Variants in ABCA13 observed in about 807,000 individuals in gnomAD.
ABCA13 encodes the protein ATP-binding cassette sub-family A member 13.
ABCA13 carries 476 observed loss-of-function variants against 478.7 expected under a neutral mutation model. The ratio of observed to expected loss-of-function variants is 0.99; its 90% confidence interval spans 0.92 to 1.07. The LOEUF (loss-of-function observed/expected upper bound fraction) is 1.07, where lower values mean the gene tolerates loss of function less well. Among genes scored for constraint, ABCA13 ranks in the 50% least tolerant of loss-of-function variants. The pLI is 0.00. For missense variants in ABCA13, 6,060 were observed against 5,910.6 expected, an observed-to-expected ratio of 1.03 and a Z score of -0.83; for synonymous variants, 2,252 against 2,158.9, an observed-to-expected ratio of 1.04 and a Z score of -1.20.
chr7:48,472,697 G>A (rs540379009), intron 45 of ABCA13, among the ~76,000 whole-genome samples: 2 of 152,078 alleles, frequency 1.3e-5, no homozygotes, highest in African/African-American at 2.4e-5. Flanking sequence ...AAGCTAGCAG[G>A]GAAGGGTGCT....
At chr7:48,357,171 A>T (rs11973210) in intron 31 of ABCA13, among the ~76,000 whole-genome samples, 2,439 of 149,838 alleles carry the variant, frequency 0.016, 102 homozygotes, top group African/African-American at 0.059. Flanking sequence ...ATTCCTGCTT[A>T]AAAAAAAATC....
intron 59 of ABCA13, among the ~76,000 whole-genome samples, chr7:48,620,319 A>G (rs1586008318): frequency 6.6e-6 from 1 of 152,354 alleles, no homozygotes; most frequent in Non-Finnish European, 1.5e-5. Context: ...TTAGATTTCA[A>G]TATGAAAAAT....
chr7:48,626,375 T>C (rs931045930), intron 59 of ABCA13, among the ~76,000 whole-genome samples: 1 of 151,972 alleles, frequency 6.6e-6, no homozygotes, highest in East Asian at 1.9e-4. Context: ...GCATTAGAGG[T>C]AGTGGCACAG....
intron 41 of ABCA13, among the ~76,000 whole-genome samples, chr7:48,418,299 A>C (rs1820301882): frequency 6.6e-6 from 1 of 152,178 alleles, no homozygotes; most frequent in East Asian, 1.9e-4. Flanking sequence ...TTGTGTTTCC[A>C]CCAGCAATGA....
At chr7:48,371,655 C>A (rs925157708) in intron 32 of ABCA13, among the ~76,000 whole-genome samples, 1 of 152,108 alleles carries the variant, frequency 6.6e-6, no homozygotes, top group African/African-American at 2.4e-5. Context: ...TGAGACTTGG[C>A]TGAAGTTGCT....
At chr7:48,428,143 G>A (rs559835335) in intron 42 of ABCA13, among the ~76,000 whole-genome samples, 2 of 151,926 alleles carry the variant, frequency 1.3e-5, no homozygotes, top group Admixed American at 6.6e-5. Flanking sequence ...AATGTATACA[G>A]TTAGAATAAT....
chr7:48,197,641 CTG>C (rs566814521), intron 2 of ABCA13, among the ~76,000 whole-genome samples: 1,908 of 152,266 alleles, frequency 0.013, 19 homozygotes, highest in Admixed American at 0.02. Context: ...TCCCACCCTC[CTG>C]ATGGTGTGAA....
At chr7:48,593,600 T>C (rs997775449) in intron 57 of ABCA13, among the ~76,000 whole-genome samples, 1 of 152,140 alleles carries the variant, frequency 6.6e-6, no homozygotes, top group African/African-American at 2.4e-5. Context: ...TTAACTTTAC[T>C]GTGAGTTTTA....
intron 55 of ABCA13, among the ~76,000 whole-genome samples, chr7:48,535,212 G>A (rs1833487860): frequency 6.6e-6 from 1 of 152,112 alleles, no homozygotes; most frequent in African/African-American, 2.4e-5. Flanking sequence ...CCCTTCATGT[G>A]GTGCTCTTCC....
At chr7:48,267,216 ATCT>A (rs1412382676) in intron 15 of ABCA13, among the ~76,000 whole-genome samples, 23 of 152,136 alleles carry the variant, frequency 1.5e-4, no homozygotes, top group African/African-American at 5.5e-4. Context: ...TATTGTACAA[ATCT>A]TCTGTATCCT....
At chr7:48,173,918 C>T (rs1253656095) in intron 1 of ABCA13, among the ~76,000 whole-genome samples, 5 of 152,114 alleles carry the variant, frequency 3.3e-5, no homozygotes, top group Non-Finnish European at 7.4e-5. Context: ...GGACATGAAC[C>T]GTGGGCTGTG....
intron 43 of ABCA13, among the ~76,000 whole-genome samples, chr7:48,463,110 G>T (rs13242917): frequency 0.16 from 24,161 of 151,984 alleles, 2,428 homozygotes; most frequent in East Asian, 0.23. Context: ...GTGCTTCTCT[G>T]TTTTTTTGTT....
At position 48,248,430 on chromosome 7, in the gene ABCA13, G is replaced by A. The variant is rs747299048; in HGVS notation, c.1851G>A (p.Gln617=). 1.6e-5 allele frequency: 26 copies of A among 1,606,194 alleles called. No homozygotes were observed. The highest frequency in any genetic ancestry group is 2.1e-5 in the Non-Finnish European group (25 of 1,175,880). ...NDVFSSDCKH[Q]LVSTVIFHTL... ...TCTTTTCTAGTGACTGTAAGCACCA[G>A]CTTGTCTCCACAGTGTAAGTACATG... is the stretch of plus-strand genomic sequence containing the variant. Residue 617 remains glutamine (Q), a synonymous_variant, in exon 14 of 62, where the codon CAG becomes CAA. Coordinates refer to ENST00000435803, the MANE Select transcript of ABCA13 (RefSeq NM_152701.5).
intron 35 of ABCA13, among the ~76,000 whole-genome samples, chr7:48,381,389 A>G (rs903043281): frequency 2.6e-5 from 4 of 151,272 alleles, no homozygotes; most frequent in African/African-American, 9.7e-5. Context: ...ACACACACAC[A>G]CGCACGCACA....
At chr7:48,252,570 C>T (rs757260506) in intron 15 of ABCA13, among the ~76,000 whole-genome samples, 16 of 152,064 alleles carry the variant, frequency 1.1e-4, no homozygotes, top group Non-Finnish European at 1.0e-4. Flanking sequence ...GTATTTAAGC[C>T]TATATAACAG....
intron 2 of ABCA13, 91 bp from the exon 3 acceptor site, chr7:48,198,146 A>G (rs1798186192): frequency 1.6e-6 from 2 of 1,218,234 alleles, no homozygotes. Flanking sequence ...ATATAATAAT[A>G]TGATGTTATA....
chr7:48,428,059 A>G (rs1821676233), intron 42 of ABCA13, among the ~76,000 whole-genome samples, 188 bp downstream of exon 42: 1 of 80,278 alleles, frequency 1.2e-5, no homozygotes, highest in Non-Finnish European at 3.0e-5. Context: ...CTGGCTTGAA[A>G]AAAAAAAACT....
chr7:48,487,602 C>A (rs766559081), intron 47 of ABCA13, among the ~76,000 whole-genome samples: 11 of 151,976 alleles, frequency 7.2e-5, no homozygotes, highest in Non-Finnish European at 1.6e-4. Context: ...TCTATTTTTT[C>A]CCTAAATTTG....
chr7:48,578,334 C>CA (rs1247862026), intron 55 of ABCA13, among the ~76,000 whole-genome samples: 2 of 151,886 alleles, frequency 1.3e-5, no homozygotes, highest in African/African-American at 2.4e-5. Context: ...AAAGAATTGT[C>CA]AAAAAAATAC....
Sources: gnomAD v4.1 joint callset for allele counts (sites outside exome capture counted in the v4.1 genomes callset) on GRCh38, gnomAD v4.1.1 for gene constraint, MANE v1.5 for transcripts, NCBI Gene and HGNC (gene_info 2026-07-23, HGNC 2026-07-21) for gene names.